The following AFF3 variants were observed in gnomAD, a reference collection of about 807,000 sequenced individuals.
The protein encoded by AFF3 is ALF transcription elongation factor 3.
Under a neutral mutation model 129.7 loss-of-function variants are expected in AFF3, and 32 were observed. That is an observed-to-expected ratio of 0.25 (90% CI 0.19 to 0.33). The LOEUF (loss-of-function observed/expected upper bound fraction) is 0.33. Among genes scored for constraint, AFF3 ranks in the 10% least tolerant of loss-of-function variants. The pLI is 1.00. For missense variants in AFF3, 1,373 were observed against 1,592.0 expected, an observed-to-expected ratio of 0.86 and a Z score of 2.34; for synonymous variants, 644 against 635.4, an observed-to-expected ratio of 1.01 and a Z score of -0.20.
At chr2:99,986,631 A>AT (rs1341448853) in intron 7 of AFF3, among the ~76,000 whole-genome samples, 1 of 152,184 alleles carries the variant, frequency 6.6e-6, no homozygotes, top group Non-Finnish European at 1.5e-5. Flanking sequence ...TTCTAAGTGC[A>AT]TTTTAAAAAT....
chr2:99,633,625 C>T (rs1216269728), intron 13 of AFF3, among the ~76,000 whole-genome samples: 1 of 152,150 alleles, frequency 6.6e-6, no homozygotes, highest in Non-Finnish European at 1.5e-5. Context: ...GTGGATCCCT[C>T]ATGAAAGGCT....
intron 10 of AFF3, among the ~76,000 whole-genome samples, chr2:99,739,860 G>A (rs1194309091): frequency 2.0e-5 from 3 of 151,594 alleles, no homozygotes; most frequent in Non-Finnish European, 4.4e-5. Context: ...TGTGCACAAT[G>A]TGCAGGTTAG....
At chr2:99,636,334 C>T (rs965281311) in intron 13 of AFF3, among the ~76,000 whole-genome samples, 3 of 152,108 alleles carry the variant, frequency 2.0e-5, no homozygotes, top group South Asian at 4.1e-4. Context: ...TGGGCTTCAT[C>T]GAGGCCCTGT....
Position 99,831,071 on chromosome 2 carries a change from G to A in AFF3, c.921+6406C>T, listed in dbSNP as rs1688485308. 3.3e-5 allele frequency among the ~76,000 whole-genome samples: 5 copies of A among 152,222 alleles called. No homozygotes were observed. The South Asian group carries it at 1.0e-3, about 31-fold the overall frequency. ...AACCTAAAGGGCACATCTTTGGGATGTGAGAGGAAACTGGAGTCCCAGAGA... is the reference window on the plus strand; with the variant it reads ...AACCTAAAGGGCACATCTTTGGGATATGAGAGGAAACTGGAGTCCCAGAGA... On this transcript the variant is annotated intron_variant, in intron 8 of 24. Transcript: ENST00000672756.
At position 99,548,911 on chromosome 2, in the gene AFF3, A is replaced by G. The variant is rs1674218673; in HGVS notation, c.*2563T>C. ...AACGTGCTCCACACGTGCTCCACAG[A>G]TGAAACAAGACAGTCATAAGAACTA... On this transcript the variant is annotated 3_prime_UTR_variant, in exon 25 of 25. Coordinates refer to ENST00000672756, the MANE Select transcript of AFF3 (RefSeq NM_001386135.1). The G allele has an allele frequency of 4.3e-6, 1 of 232,702 alleles. No individual in the cohort carries two copies. The highest frequency in any genetic ancestry group is 6.1e-5 in the East Asian group (1 of 16,528). 14.4% of individuals were successfully genotyped at this position (232,702 alleles called of 1,614,324 possible). A position where few individuals can be genotyped will look rare whatever the true frequency, so the allele number is the denominator to read the frequency against.
intron 12 of AFF3, among the ~76,000 whole-genome samples, chr2:99,657,290 T>C (rs1351006647): frequency 6.6e-6 from 1 of 152,248 alleles, no homozygotes; most frequent in East Asian, 1.9e-4. Context: ...CTCTGAGGTC[T>C]AGCTCACCCT....
chr2:99,833,839 C>T (rs1349689669), intron 8 of AFF3, among the ~76,000 whole-genome samples: 3 of 152,156 alleles, frequency 2.0e-5, no homozygotes, highest in African/African-American at 7.2e-5. Context: ...GCCCTGATCG[C>T]CCATCCTCAC....
intron 24 of AFF3, among the ~76,000 whole-genome samples, chr2:99,553,003 G>T (rs1473636721): frequency 6.6e-6 from 1 of 152,112 alleles, no homozygotes; most frequent in African/African-American, 2.4e-5. Flanking sequence ...TGCGATCTTG[G>T]CTGTCTGCAA....
At chr2:99,566,483 G>T (rs1675980927) in intron 19 of AFF3, among the ~76,000 whole-genome samples, 1 of 152,182 alleles carries the variant, frequency 6.6e-6, no homozygotes, top group Admixed American at 6.5e-5. Context: ...GGAAGTTTGA[G>T]GTTCCAGTGA....
chr2:100,025,980 T>C (rs369183227), intron 4 of AFF3, among the ~76,000 whole-genome samples: 27 of 152,318 alleles, frequency 1.8e-4, no homozygotes, highest in African/African-American at 5.5e-4. Context: ...CTTCTAGACA[T>C]TGGCTTAGGC....
chr2:99,586,074 G>A (rs184599879), intron 16 of AFF3, among the ~76,000 whole-genome samples: 26 of 152,254 alleles, frequency 1.7e-4, no homozygotes, highest in East Asian at 1.2e-3. Flanking sequence ...GCATACATAC[G>A]GTTTATATTC....
chr2:100,115,741 A>C (rs1691710699), intron 2 of AFF3, among the ~76,000 whole-genome samples: 1 of 152,044 alleles, frequency 6.6e-6, no homozygotes, highest in Admixed American at 6.6e-5. Flanking sequence ...CTATGTTTCC[A>C]CTGGTGAAGA....
At chr2:99,701,358 T>G (rs1054357753) in intron 11 of AFF3, among the ~76,000 whole-genome samples, 2 of 152,164 alleles carry the variant, frequency 1.3e-5, no homozygotes, top group Non-Finnish European at 2.9e-5. Flanking sequence ...GCTAGAGGCC[T>G]GAAGTCACTG....
intron 7 of AFF3, among the ~76,000 whole-genome samples, chr2:99,842,973 A>G (rs6542902): frequency 0.79 from 119,859 of 152,190 alleles, 47,947 homozygotes; most frequent in South Asian, 0.93. Context: ...CTACTTTCAA[A>G]TCACAATGCC....
intron 11 of AFF3, among the ~76,000 whole-genome samples, chr2:99,703,342 A>G (rs1677053665): frequency 6.6e-6 from 1 of 152,134 alleles, no homozygotes; most frequent in African/African-American, 2.4e-5. Flanking sequence ...GGTTTTGGGG[A>G]TGAGCATGTG....
chr2:99,959,571 TA>T (rs1413508355), intron 7 of AFF3, among the ~76,000 whole-genome samples: 2 of 150,946 alleles, frequency 1.3e-5, no homozygotes, highest in Admixed American at 6.6e-5. Context: ...AAATGAAGCA[TA>T]AAAAAAATCT....
intron 7 of AFF3, among the ~76,000 whole-genome samples, chr2:99,854,862 A>G (rs2105887638): frequency 6.6e-6 from 1 of 152,352 alleles, no homozygotes; most frequent in Non-Finnish European, 1.5e-5. Flanking sequence ...TTTATTTTTG[A>G]TGAAAATGAT....
At chr2:99,973,287 C>T (rs1678571765) in intron 7 of AFF3, among the ~76,000 whole-genome samples, 1 of 152,160 alleles carries the variant, frequency 6.6e-6, no homozygotes, top group Non-Finnish European at 1.5e-5. Context: ...TCCACCTGCT[C>T]CCTAGCAAAG....
At chr2:99,766,340 G>GT (rs1322794263) in intron 8 of AFF3, among the ~76,000 whole-genome samples, 1 of 152,198 alleles carries the variant, frequency 6.6e-6, no homozygotes, top group African/African-American at 2.4e-5. Flanking sequence ...CTTTATGCAA[G>GT]TATTTTTCTC....
Sources: gnomAD v4.1 joint callset for allele counts (sites outside exome capture counted in the v4.1 genomes callset) on GRCh38, gnomAD v4.1.1 for gene constraint, MANE v1.5 for transcripts, NCBI Gene and HGNC (gene_info 2026-07-23, HGNC 2026-07-21) for gene names.